The following TRIM55 variants were observed in gnomAD, a reference collection of about 807,000 sequenced individuals.
TRIM55 encodes tripartite motif containing 55.
In TRIM55, 50 loss-of-function variants were observed where a neutral mutation model predicts 60.9. The ratio of observed to expected loss-of-function variants is 0.82; its 90% CI spans 0.65 to 1.04. The LOEUF (loss-of-function observed/expected upper bound fraction) is 1.04. TRIM55 is among the 50% of genes least tolerant of loss of function. The probability of loss-of-function intolerance (pLI) is 0.00; values close to 1 mark genes in which losing one functional copy is unlikely to be tolerated. For synonymous variants in TRIM55, 237 were observed against 238.1 expected (o/e 1.00, Z 0.04); for missense variants, 681 against 666.9 (o/e 1.02, Z -0.23).
chr8:66,129,070 G>A (rs1174621506), intron 2 of TRIM55, among the ~76,000 whole-genome samples: 2 of 152,164 alleles, frequency 1.3e-5, no homozygotes, highest in East Asian at 1.9e-4. Flanking sequence ...GGAAAAAAAA[G>A]GGTGAAATTC....
intron 4 of TRIM55, among the ~76,000 whole-genome samples, chr8:66,142,631 A>C (rs1490657737): frequency 6.6e-6 from 1 of 152,254 alleles, no homozygotes; most frequent in Non-Finnish European, 1.5e-5. Flanking sequence ...TAAGTGTTAG[A>C]AATCCCTCAA....
At chr8:66,114,029 G>A in the TRIM55 span, among the ~76,000 whole-genome samples, 1 of 149,512 alleles carries the variant, frequency 6.7e-6, no homozygotes, top group East Asian at 2.0e-4. Flanking sequence ...CTGTAGGCGC[G>A]CGCCCGTGGC....
At chr8:66,149,112 T>C (rs540150131) in intron 4 of TRIM55, among the ~76,000 whole-genome samples, 1 of 152,212 alleles carries the variant, frequency 6.6e-6, no homozygotes, top group Admixed American at 6.5e-5. Context: ...AAAATTAACT[T>C]GGTTGCAGTG....
rs1227697614 is a variant in TRIM55, at chr8:66,147,810, A to AG, written c.604-1835_604-1834insG. 3.4e-3 allele frequency among the ~76,000 whole-genome samples: 499 copies of AG among 145,904 alleles called. 10 individuals carry two copies. The highest frequency in any genetic ancestry group is 0.013 in the African/African-American group (481 of 36,250). On this transcript the variant is annotated intron_variant, in intron 4 of 9. Coordinates refer to ENST00000315962, the MANE Select transcript of TRIM55 (RefSeq NM_184085.2). ...ACTCCATCTCAAAAAAAAAAAAAAA[A>AG]AAAAAAACCACAAAATCTATTCAAC...
chr8:66,142,442 C>T (rs1809870121), intron 4 of TRIM55, among the ~76,000 whole-genome samples: 1 of 152,164 alleles, frequency 6.6e-6, no homozygotes, highest in Non-Finnish European at 1.5e-5. Context: ...ATGGTGACTA[C>T]CCACAGCAGA....
intron 9 of TRIM55, among the ~76,000 whole-genome samples, chr8:66,168,410 G>A (rs902164887): frequency 2.0e-5 from 3 of 152,144 alleles, no homozygotes; most frequent in African/African-American, 7.2e-5. Context: ...TAGGAGAGCG[G>A]GCCAATGCTT....
At chr8:66,120,159 T>G in the TRIM55 span, among the ~76,000 whole-genome samples, 3 of 151,994 alleles carry the variant, frequency 2.0e-5, no homozygotes, top group East Asian at 5.8e-4. Context: ...CATGAAGTAA[T>G]GGGTATTCAG....
intron 9 of TRIM55, among the ~76,000 whole-genome samples, chr8:66,163,518 C>T (rs1010097725): frequency 2.0e-5 from 3 of 152,100 alleles, no homozygotes; most frequent in African/African-American, 7.2e-5. Context: ...TTTGTAGTTT[C>T]TTCTTTGACC....
intron 1 of TRIM55, among the ~76,000 whole-genome samples, 161 bp downstream of exon 1, chr8:66,127,597 C>G (rs1808883952): frequency 6.6e-6 from 1 of 152,074 alleles, no homozygotes; most frequent in Non-Finnish European, 1.5e-5. Context: ...GAGGCTGAGG[C>G]CAGTGGATCA....
In TRIM55 at chr8:66,174,646, A is replaced by G; in HGVS notation, c.*53A>G. 2.7e-6 allele frequency: 4 copies of G among 1,505,186 alleles called. No individual in the cohort carries two copies. The highest frequency in any genetic ancestry group is 3.5e-6 in the Non-Finnish European group (4 of 1,130,088). 93.2% of individuals were successfully genotyped at this position (1,505,186 alleles called of 1,614,324 possible). On this transcript the variant is annotated 3_prime_UTR_variant, in exon 10 of 10. Coordinates refer to ENST00000315962, the MANE Select transcript of TRIM55 (RefSeq NM_184085.2). ...CTGCCTGGCTGAGATGCATGTGGGC[A>G]GCAGGAAGCCCAAGTGAAATTAATA...
At chr8:66,113,698 C>T in the TRIM55 span, 1 of 413,632 alleles carries the variant, frequency 2.4e-6, no homozygotes, top group African/African-American at 2.1e-5. Flanking sequence ...GTCACGACTT[C>T]TGCGTCTTCT....
intron 2 of TRIM55, among the ~76,000 whole-genome samples, chr8:66,131,885 T>C (rs1040416027): frequency 1.3e-5 from 2 of 152,258 alleles, no homozygotes; most frequent in Admixed American, 1.3e-4. Flanking sequence ...TCATCTGCTG[T>C]CATCTGTGCT....
intron 7 of TRIM55, among the ~76,000 whole-genome samples, chr8:66,151,693 A>C (rs1810427235): frequency 6.6e-6 from 1 of 151,848 alleles, no homozygotes; most frequent in Non-Finnish European, 1.5e-5. Flanking sequence ...AATACAAAAA[A>C]ATTAGCCGGG....
intron 9 of TRIM55, among the ~76,000 whole-genome samples, chr8:66,162,819 C>G (rs1304127268): frequency 6.6e-6 from 1 of 151,996 alleles, no homozygotes; most frequent in African/African-American, 2.4e-5. Flanking sequence ...TTGCTTAACT[C>G]AAAATTACAA....
chr8:66,124,525 C>T (rs78533659), upstream of TRIM55, among the ~76,000 whole-genome samples: 49 of 152,278 alleles, frequency 3.2e-4, no homozygotes, highest in East Asian at 9.5e-3. Context: ...CACGTCCATC[C>T]CTCTGAGATC....
intron 3 of TRIM55, among the ~76,000 whole-genome samples, chr8:66,135,369 G>A (rs1490857037): frequency 6.6e-6 from 1 of 152,204 alleles, no homozygotes; most frequent in African/African-American, 2.4e-5. Flanking sequence ...GGGGGACCAG[G>A]CGAGACAGGG....
intron 8 of TRIM55, among the ~76,000 whole-genome samples, chr8:66,153,559 T>C (rs1269272251): frequency 6.6e-6 from 1 of 152,206 alleles, no homozygotes; most frequent in Non-Finnish European, 1.5e-5. Flanking sequence ...TAAAATGCCA[T>C]TTATAGTCTA....
chr8:66,134,981 TC>T lies in TRIM55; in HGVS notation c.342-7del. ...GCTGATGGACATTTATCTGCCTACC[TC>T]CTCCCAGGCCAGAAAAGAAATCCGA... is the stretch of plus-strand genomic sequence containing the variant. On this transcript the variant is annotated splice_polypyrimidine_tract_variant and splice_region_variant and intron_variant, in intron 2 of 9. Transcript: ENST00000315962. 2 of 1,613,586 alleles carry T rather than the reference TC, an allele frequency of 1.2e-6. No individual in the cohort carries two copies. Among genetic ancestry groups the T allele is most frequent in the Non-Finnish European group, 8.5e-7 (1 of 1,179,760 alleles).
At chr8:66,142,761 A>G (rs767793636) in intron 4 of TRIM55, among the ~76,000 whole-genome samples, 1 of 152,186 alleles carries the variant, frequency 6.6e-6, no homozygotes, top group Non-Finnish European at 1.5e-5. Context: ...AGCACTACAC[A>G]AAGGGGCCAG....
Sources: allele counts gnomAD v4.1 joint callset (sites outside exome capture counted in the v4.1 genomes callset), GRCh38; gene constraint gnomAD v4.1.1; transcripts MANE v1.5; gene names NCBI Gene and HGNC (gene_info 2026-07-23, HGNC 2026-07-21).